The following SBF2 variants were observed in gnomAD, a reference collection of about 807,000 sequenced individuals.
The protein encoded by SBF2 is SET binding factor 2.
A neutral mutation model predicts 225.2 loss-of-function variants in SBF2; 112 were observed. The observed-to-expected ratio is 0.50, with a 90% CI of 0.43 to 0.58. The LOEUF (loss-of-function observed/expected upper bound fraction) is 0.58. Ranked by LOEUF, SBF2 falls within the 20% of genes least tolerant of loss-of-function variation. SBF2 has a pLI of 0.00. For synonymous variants in SBF2, 763 were observed against 773.3 expected (o/e 0.99, Z 0.22); for missense variants, 1,996 against 2,206.2 (o/e 0.90, Z 1.91).
intron 1 of SBF2, among the ~76,000 whole-genome samples, chr11:10,286,107 C>T (rs543190510): frequency 2.6e-5 from 4 of 151,872 alleles, no homozygotes; most frequent in Admixed American, 1.3e-4. Flanking sequence ...GGATTACAGG[C>T]GTGAGCTACC....
At chr11:9,986,290 A>C (rs1243626204) in intron 13 of SBF2, among the ~76,000 whole-genome samples, 1 of 152,212 alleles carries the variant, frequency 6.6e-6, no homozygotes, top group African/African-American at 2.4e-5. Flanking sequence ...GGCGGTGCTA[A>C]GAGGAAAGTT....
intron 2 of SBF2, among the ~76,000 whole-genome samples, chr11:10,052,629 T>C (rs926882118): frequency 2.0e-5 from 3 of 152,186 alleles, no homozygotes; most frequent in Non-Finnish European, 4.4e-5. Context: ...ATTGCCCAAA[T>C]GTATGAAGTA....
At chr11:9,784,943 T>C in intron 37 of SBF2, 182 bp downstream of exon 37, 1 of 655,422 alleles carries the variant, frequency 1.5e-6, no homozygotes, top group Non-Finnish European at 2.7e-6. Flanking sequence ...TTATTTTTAG[T>C]TGTAATTTTT....
chr11:10,124,922 T>C (rs61878636), intron 2 of SBF2, among the ~76,000 whole-genome samples: 30,220 of 151,804 alleles, frequency 0.2, 3,934 homozygotes, highest in Non-Finnish European at 0.3. Flanking sequence ...CTGACCAACA[T>C]GGCAAAACCC....
chr11:10,029,129 T>A (rs1457860379), intron 5 of SBF2, among the ~76,000 whole-genome samples: 2 of 152,176 alleles, frequency 1.3e-5, no homozygotes, highest in Admixed American at 1.3e-4. Flanking sequence ...CAATATTATA[T>A]AAGAATAAGC....
intron 2 of SBF2, among the ~76,000 whole-genome samples, chr11:10,043,677 C>T (rs756632466): frequency 2.5e-4 from 38 of 152,078 alleles, no homozygotes; most frequent in African/African-American, 8.2e-4. Context: ...TGGGCTCAGG[C>T]GATTCTCCCA....
chr11:10,117,949 C>G (rs1298005101), intron 2 of SBF2, among the ~76,000 whole-genome samples: 1 of 152,150 alleles, frequency 6.6e-6, no homozygotes, highest in Admixed American at 6.5e-5. Flanking sequence ...TGAAAAGAAT[C>G]TTGGCAGTTT....
chr11:10,108,800 A>G (rs1456026629), intron 2 of SBF2, among the ~76,000 whole-genome samples: 1 of 152,162 alleles, frequency 6.6e-6, no homozygotes, highest in Non-Finnish European at 1.5e-5. Flanking sequence ...CTGGGATTAC[A>G]GGCGTGAGCC....
chr11:9,981,142 G>T (rs557478119), intron 13 of SBF2, among the ~76,000 whole-genome samples: 1 of 152,114 alleles, frequency 6.6e-6, no homozygotes, highest in Non-Finnish European at 1.5e-5. Flanking sequence ...GTCCAAAAAG[G>T]TCCATCTAGT....
chr11:9,880,026 G>C (rs182225832), intron 17 of SBF2, among the ~76,000 whole-genome samples: 79 of 142,926 alleles, frequency 5.5e-4, no homozygotes, highest in African/African-American at 2.0e-3. Context: ...GGAGGTTGCA[G>C]TGAGATGAGA....
At chr11:10,089,896 G>A (rs1404375553) in intron 2 of SBF2, among the ~76,000 whole-genome samples, 6 of 152,150 alleles carry the variant, frequency 3.9e-5, no homozygotes, top group Admixed American at 2.6e-4. Flanking sequence ...AGTCACAGCA[G>A]TATTGTTCAT....
At chr11:10,028,610 T>TA in intron 5 of SBF2, 53 bp from the exon 6 acceptor site, 2 of 1,174,662 alleles carry the variant, frequency 1.7e-6, no homozygotes, top group Non-Finnish European at 1.3e-6. Context: ...AGCCATTTTT[T>TA]AAAAAATAAA....
chr11:9,924,185 T>C (rs571369298), intron 16 of SBF2, among the ~76,000 whole-genome samples: 2 of 152,190 alleles, frequency 1.3e-5, no homozygotes, highest in Non-Finnish European at 2.9e-5. Context: ...TTTAAGATGA[T>C]GTGAAAGTGA....
intron 6 of SBF2, among the ~76,000 whole-genome samples, chr11:10,015,058 CAGG>C (rs1948600997): frequency 6.6e-6 from 1 of 152,084 alleles, no homozygotes; most frequent in African/African-American, 2.4e-5. Flanking sequence ...TGCCTGAGCC[CAGG>C]AGGTCGAGGC....
intron 26 of SBF2, 97 bp downstream of exon 26, chr11:9,839,401 T>C: frequency 1.6e-6 from 2 of 1,219,358 alleles, no homozygotes; most frequent in East Asian, 2.3e-5. Context: ...CAGGCATTTT[T>C]ATCTATCTCA....
chr11:9,885,270 A>AAAC (rs1860184990), intron 17 of SBF2, among the ~76,000 whole-genome samples: 4 of 150,102 alleles, frequency 2.7e-5, no homozygotes, highest in Non-Finnish European at 5.9e-5. Context: ...AAAAAAAAAA[A>AAAC]AAAAAACCCC....
At chr11:10,244,278 T>C (rs1959540236) in intron 1 of SBF2, among the ~76,000 whole-genome samples, 2 of 152,210 alleles carry the variant, frequency 1.3e-5, no homozygotes, top group Non-Finnish European at 2.9e-5. Context: ...ATTTAAGTCT[T>C]TGAGTTGATT....
chr11:10,197,194 C>T (rs1279516586), intron 1 of SBF2, among the ~76,000 whole-genome samples: 1 of 152,150 alleles, frequency 6.6e-6, no homozygotes, highest in East Asian at 1.9e-4. Context: ...AGAAAAGAAC[C>T]TAAATGGGAC....
At chr11:10,199,187 T>C (rs1156898345) in intron 1 of SBF2, among the ~76,000 whole-genome samples, 1 of 152,122 alleles carries the variant, frequency 6.6e-6, no homozygotes, top group Non-Finnish European at 1.5e-5. Context: ...ATTTCAATAC[T>C]GGCGTGCCTC....
Sources: allele counts gnomAD v4.1 joint callset (sites outside exome capture counted in the v4.1 genomes callset), GRCh38; gene constraint gnomAD v4.1.1; transcripts MANE v1.5; gene names NCBI Gene and HGNC (gene_info 2026-07-23, HGNC 2026-07-21).